Variants in SLC45A4 observed in about 807,000 individuals in gnomAD.
SLC45A4 encodes polyamine-transporter SLC45A4.
A neutral mutation model predicts 63.7 loss-of-function variants in SLC45A4; 32 were observed. The ratio of observed to expected loss-of-function variants is 0.50; its 90% CI spans 0.38 to 0.67. The LOEUF is 0.67. SLC45A4 is among the 30% of genes least tolerant of loss of function. SLC45A4 has a pLI of 0.00. For synonymous variants in SLC45A4, 535 were observed against 510.0 expected, an observed-to-expected ratio of 1.05 and a Z score of -0.66; for missense variants, 1,027 against 1,157.7, an observed-to-expected ratio of 0.89 and a Z score of 1.64.
chr8:141,218,040 C>T lies in SLC45A4; in HGVS notation c.1600G>A (p.Gly534Ser). 6.2e-7 allele frequency: 1 copy of T among 1,610,716 alleles called. No individual in the cohort carries two copies. The highest frequency in any genetic ancestry group is 1.1e-5 in the South Asian group (1 of 90,958). ...GGGTCGCCTTCGAAGATGACCTGGCCCATGAAGTCGGTGTAGAACACGGCC... is the reference window on the plus strand; with the variant it reads ...GGGTCGCCTTCGAAGATGACCTGGCTCATGAAGTCGGTGTAGAACACGGCC... ...AEAVFYTDFMGQVIFEGDPKA... is the reference protein window; with the variant it reads ...AEAVFYTDFMSQVIFEGDPKA... The change falls in exon 5 of 9, where the codon GGC (glycine) becomes AGC (serine). Residue 534 changes from glycine (G) to serine (S), a missense_variant. By Grantham distance (56) the Gly-to-Ser change is moderately conservative (BLOSUM62 0). Transcript: ENST00000517878.
chr8:141,257,586 G>A (rs909540337), intron 1 of SLC45A4, among the ~76,000 whole-genome samples: 2 of 152,178 alleles, frequency 1.3e-5, no homozygotes, highest in African/African-American at 4.8e-5. Flanking sequence ...CCTAAGAGTC[G>A]TTCCAGTAAG....
chr8:141,214,517 C>T (rs964370007), intron 7 of SLC45A4, among the ~76,000 whole-genome samples: 2 of 152,188 alleles, frequency 1.3e-5, no homozygotes, highest in African/African-American at 4.8e-5. Context: ...AAGTTCCATA[C>T]TACAAAGTCA....
intron 2 of SLC45A4, among the ~76,000 whole-genome samples, chr8:141,250,113 C>A (rs183993469): frequency 3.9e-5 from 6 of 152,298 alleles, no homozygotes; most frequent in Non-Finnish European, 1.5e-5. Flanking sequence ...GGAACAGACA[C>A]CCCTACAACT....
chr8:141,215,856 T>G lies in SLC45A4; in HGVS notation c.1844A>C (p.Tyr615Ser). 4 of 1,614,112 alleles carry G rather than the reference T, an allele frequency of 2.5e-6. No individual in the cohort carries two copies. The highest frequency in any genetic ancestry group is 2.5e-6 in the Non-Finnish European group (3 of 1,180,002). ...TAVMAMFPNVYVAMVTISTMG... is the reference protein window; with the variant it reads ...TAVMAMFPNVSVAMVTISTMG... ...GGTGCTGATGGTGACCATGGCGACG[T>G]AGACGTTGGGAAACATGGCCATCAC... The change falls in exon 7 of 9, where the codon TAC (tyrosine) becomes TCC (serine). Residue 615 changes from tyrosine (Y) to serine (S), a missense_variant. Physicochemically the swap from Tyr to Ser is moderately radical, Grantham distance 144. Coordinates refer to ENST00000517878, the MANE Select transcript of SLC45A4 (RefSeq NM_001286646.2). This position sits in a 1 kb window ranked among gnomAD's most constrained non-coding sequence, Gnocchi z 4.3.
At chr8:141,258,273 C>T (rs1013197271) in intron 1 of SLC45A4, among the ~76,000 whole-genome samples, 34 of 152,130 alleles carry the variant, frequency 2.2e-4, no homozygotes, top group African/African-American at 8.2e-4. Context: ...CCCACACCCC[C>T]CAGCCTCACT....
chr8:141,247,508 G>A (rs553262123), intron 2 of SLC45A4, among the ~76,000 whole-genome samples: 89 of 152,284 alleles, frequency 5.8e-4, no homozygotes, highest in African/African-American at 2.0e-3. Context: ...AATCCAGCAG[G>A]CTTTTTGTAG....
chr8:141,280,748 C>T (rs1829903033), intron 1 of SLC45A4, among the ~76,000 whole-genome samples: 1 of 152,236 alleles, frequency 6.6e-6, no homozygotes, highest in Admixed American at 6.5e-5. Context: ...ACACAGGAAG[C>T]AAGCTGTCAG....
At chr8:141,285,612 C>T (rs575583977) in intron 1 of SLC45A4, among the ~76,000 whole-genome samples, 8 of 152,324 alleles carry the variant, frequency 5.3e-5, no homozygotes, top group East Asian at 1.9e-4. Flanking sequence ...CGGCCACGTC[C>T]GTTTAAACAT....
chr8:141,216,783 G>C (rs1409380416), intron 6 of SLC45A4, among the ~76,000 whole-genome samples: 2 of 152,192 alleles, frequency 1.3e-5, no homozygotes, highest in African/African-American at 4.8e-5. Context: ...CTGTGCTGGG[G>C]CCAGGGACAG....
chr8:141,304,235 T>C (rs1425358293), intron 1 of SLC45A4, among the ~76,000 whole-genome samples: 1 of 151,556 alleles, frequency 6.6e-6, no homozygotes, highest in Non-Finnish European at 1.5e-5. Context: ...AAGACCTGCT[T>C]GGGCAACACA....
At chr8:141,235,451 C>T (rs766447304) in intron 2 of SLC45A4, among the ~76,000 whole-genome samples, 13 of 152,138 alleles carry the variant, frequency 8.5e-5, no homozygotes, top group Non-Finnish European at 1.6e-4. Flanking sequence ...AGGACGTATT[C>T]GTATTCTGGA....
chr8:141,289,183 A>G (rs1414632216), intron 1 of SLC45A4, among the ~76,000 whole-genome samples: 3 of 152,166 alleles, frequency 2.0e-5, no homozygotes, highest in Non-Finnish European at 4.4e-5. Context: ...CGAGAGCAGA[A>G]GGGGCAGAGG....
intron 5 of SLC45A4, among the ~76,000 whole-genome samples, chr8:141,217,460 C>G (rs1313947257): frequency 1.3e-5 from 2 of 152,246 alleles, no homozygotes; most frequent in Admixed American, 6.5e-5. Context: ...CTGGGCTGGT[C>G]TGGACTTGCA....
intron 6 of SLC45A4, 66 bp downstream of exon 6, chr8:141,217,024 C>G (rs1203670534): frequency 2.0e-6 from 3 of 1,514,596 alleles, no homozygotes; most frequent in Non-Finnish European, 2.7e-6. Flanking sequence ...AGGATTCTCT[C>G]GTCTGCATTT....
intron 8 of SLC45A4, chr8:141,211,928 T>C (rs1825844519): frequency 1.6e-6 from 2 of 1,259,716 alleles, no homozygotes; most frequent in Non-Finnish European, 1.0e-6. Flanking sequence ...AATTAAAATA[T>C]CTTTTTCAAT....
intron 2 of SLC45A4, among the ~76,000 whole-genome samples, chr8:141,239,999 G>A (rs1312465503): frequency 6.6e-6 from 1 of 152,206 alleles, no homozygotes; most frequent in African/African-American, 2.4e-5. Flanking sequence ...TTTTCCCAGA[G>A]GAAGAAAAGG....
intron 1 of SLC45A4, among the ~76,000 whole-genome samples, chr8:141,290,965 C>T (rs1830325349): frequency 6.6e-6 from 1 of 152,248 alleles, no homozygotes; most frequent in Admixed American, 6.5e-5. Flanking sequence ...TCTCCTGCCT[C>T]AGCCTTCCAA....
rs907507260 is a variant in SLC45A4 at position 141,257,875 on chromosome 8, A to G, written c.-400-3246T>C. ...GCACCAGAGGGAGACACTCTGTTCT[A>G]GGGTTATTACTAAATAGGAAAACGG... On this transcript the variant is annotated intron_variant, in intron 1 of 8. Transcript: ENST00000517878. 4.6e-5 allele frequency among the ~76,000 whole-genome samples: 7 copies of G among 152,310 alleles called. No homozygotes were observed. The East Asian group carries it at 1.2e-3, about 25-fold the overall frequency.
intron 2 of SLC45A4, among the ~76,000 whole-genome samples, chr8:141,245,187 A>G (rs1461596376): frequency 6.6e-6 from 1 of 152,204 alleles, no homozygotes; most frequent in Non-Finnish European, 1.5e-5. Flanking sequence ...TCAACTCTGC[A>G]CACGTTTCCA....
Sources: gnomAD v4.1 joint callset for allele counts (sites outside exome capture counted in the v4.1 genomes callset) on GRCh38, gnomAD v4.1.1 for gene constraint, Gnocchi (gnomAD v3.1) non-coding constraint, MANE v1.5 for transcripts, NCBI Gene and HGNC (gene_info 2026-07-23, HGNC 2026-07-21) for gene names.